Variants in DPP8 observed in about 807,000 individuals in gnomAD.
The protein encoded by DPP8 is DPP VIII.
A neutral mutation model predicts 107.5 loss-of-function variants in DPP8; 31 were observed. The ratio of observed to expected loss-of-function variants is 0.29; its 90% CI spans 0.22 to 0.39. The LOEUF is 0.39. DPP8 is among the 10% of genes least tolerant of loss of function. The probability of loss-of-function intolerance (pLI) is 1.00; values close to 1 mark genes in which losing one functional copy is unlikely to be tolerated. For synonymous variants in DPP8, 381 were observed against 356.6 expected, an observed-to-expected ratio of 1.07 and a Z score of -0.77; for missense variants, 842 against 1,076.1, an observed-to-expected ratio of 0.78 and a Z score of 3.04.
Position 65,456,214 on chromosome 15 carries a change from T to G in DPP8, c.2118+11A>C. 1.2e-6 allele frequency: 2 copies of G among 1,601,122 alleles called. No individual in the cohort carries two copies. The highest frequency in any genetic ancestry group is 2.2e-5 in the East Asian group (1 of 44,830). ...ATGTCTGTAAAAGAAAAGTGTTTTA[T>G]GCTCACACACCATTTTATATTTAAA... On this transcript the variant is annotated intron_variant, in intron 16 of 19. Transcript: ENST00000300141.
chr15:65,488,259 A>G (rs1221977898), intron 6 of DPP8, among the ~76,000 whole-genome samples: 2 of 152,154 alleles, frequency 1.3e-5, no homozygotes, highest in Non-Finnish European at 2.9e-5. Flanking sequence ...CACATCTTAA[A>G]ATAAAATGTC....
chr15:65,509,335 C>A (rs1487131267), intron 2 of DPP8, among the ~76,000 whole-genome samples: 2 of 150,898 alleles, frequency 1.3e-5, no homozygotes, highest in Non-Finnish European at 2.9e-5. Flanking sequence ...TCCTCAGTAA[C>A]AGCCATTCCC....
intron 6 of DPP8, among the ~76,000 whole-genome samples, chr15:65,489,239 G>A (rs756857419): frequency 3.3e-5 from 5 of 151,896 alleles, no homozygotes; most frequent in Middle Eastern, 3.2e-3. Flanking sequence ...GATTACATGC[G>A]TGAGTCACTG....
At position 65,499,103 on chromosome 15, in the gene DPP8, G is replaced by GTT. The variant is rs200765429; in HGVS notation, c.547-1072_547-1071insAA. 7.5e-4 allele frequency among the ~76,000 whole-genome samples: 97 copies of GTT among 130,060 alleles called. 1 individual carries two copies. Among genetic ancestry groups the GTT allele is most frequent in the Middle Eastern group, 3.6e-3 (1 of 276 alleles). 85.3% of individuals were successfully genotyped at this position (130,060 alleles called of 152,430 possible). A position where few individuals can be genotyped will look rare whatever the true frequency, so the allele number is the denominator to read the frequency against. On this transcript the variant is annotated intron_variant, in intron 4 of 19. Transcript: ENST00000300141. ...TGTGTGTGTGTGTGTGTGTGTGTGT[G>GTT]TGTATATATAAATTTATTAAGATGA...
At chr15:65,500,943 T>C (rs2069165737) in intron 3 of DPP8, among the ~76,000 whole-genome samples, 164 bp from the exon 4 acceptor site, 1 of 148,320 alleles carries the variant, frequency 6.7e-6, no homozygotes, top group Admixed American at 6.9e-5. Context: ...AGTGGAGCGA[T>C]CTTGGCTCAC....
chr15:65,475,064 A>T (rs1002237388), intron 11 of DPP8, among the ~76,000 whole-genome samples: 2 of 152,102 alleles, frequency 1.3e-5, no homozygotes, highest in African/African-American at 2.4e-5. Context: ...CTTTTTGTAA[A>T]ACTTTCCCAA....
Position 65,489,771 on chromosome 15 carries a change from G to T in DPP8, c.826+418C>A, listed in dbSNP as rs143469011. Among the ~76,000 whole-genome samples the T allele has an allele frequency of 3.2e-3, 482 of 152,032 alleles. 2 individuals carry two copies. The highest frequency in any genetic ancestry group is 0.015 in the South Asian group (70 of 4,810). On this transcript the variant is annotated intron_variant, in intron 6 of 19. Transcript: ENST00000300141. ...TTGCTCTCATTGCCCAAGCTGGAGT[G>T]CAATAGTGTGATCTTGGCTCACTGT...
At chr15:65,454,831 GT>G (rs143327271) in intron 16 of DPP8, among the ~76,000 whole-genome samples, 1 of 151,928 alleles carries the variant, frequency 6.6e-6, no homozygotes, top group African/African-American at 2.4e-5. Context: ...GGCCCCGTAG[GT>G]TTTTTTAGAT....
rs1282266711 is a variant in DPP8 at position 65,451,068 on chromosome 15, A to G, written c.2457T>C (p.Asn819=). 5 of 1,613,236 alleles carry G rather than the reference A, an allele frequency of 3.1e-6. No homozygotes were observed. In the Admixed American group the frequency reaches 6.7e-5, roughly 22 times the overall value. The stretch of plus-strand genomic sequence containing the variant: ...ATATACTGGTATGTGCAAAATGGAC[A>G]TTCTCATCCAGGAAACCATGTAAGA... ...LLLLHGFLDE[N]VHFAHTSILL... The change falls in exon 19 of 20, where the codon AAT becomes AAC. Residue 819 remains asparagine, a synonymous_variant. Coordinates refer to ENST00000300141, the MANE Select transcript of DPP8 (RefSeq NM_130434.5).
intron 11 of DPP8, among the ~76,000 whole-genome samples, chr15:65,477,350 G>C (rs1484963445): frequency 6.6e-6 from 1 of 151,858 alleles, no homozygotes; most frequent in Non-Finnish European, 1.5e-5. Context: ...AGCCGAGATA[G>C]CACCACTGCA....
At chr15:65,460,213 G>A (rs1239086050) in intron 15 of DPP8, among the ~76,000 whole-genome samples, 5 of 151,882 alleles carry the variant, frequency 3.3e-5, no homozygotes, top group Non-Finnish European at 5.9e-5. Context: ...AGGCTGACGC[G>A]GGTGGATCAT....
At chr15:65,477,631 G>A (rs1286295118) in intron 11 of DPP8, among the ~76,000 whole-genome samples, 2 of 149,170 alleles carry the variant, frequency 1.3e-5, no homozygotes, top group Admixed American at 6.7e-5. Context: ...CCGGGTTCAC[G>A]CCACTCTCCT....
intron 11 of DPP8, among the ~76,000 whole-genome samples, chr15:65,477,806 A>T (rs1050748216): frequency 6.6e-6 from 1 of 152,154 alleles, no homozygotes; most frequent in Admixed American, 6.6e-5. Flanking sequence ...TGCTGGGATT[A>T]CAGGCGTGAG....
At position 65,463,859 on chromosome 15, in the gene DPP8, T is replaced by C; in HGVS notation, c.1873A>G (p.Thr625Ala). The stretch of plus-strand genomic sequence containing the variant: ...ATCCCATACAATGTAAATCCAGTAG[T>C]ACTTTCAAAAGAGAAAATTTCTGGA... ...TPPEIFSFES[T>A]TGFTLYGMLY... Residue 625 changes from threonine (T) to alanine (A), a missense_variant, in exon 15 of 20, where the codon ACT (threonine) becomes GCT (alanine). By Grantham distance (58) the Thr-to-Ala change is moderately conservative. This residue lies in a region of DPP8 where 663 missense variants were observed against 758.0 expected (regional missense o/e 0.87). Coordinates refer to ENST00000300141, the MANE Select transcript of DPP8 (RefSeq NM_130434.5). The C allele has an allele frequency of 6.3e-7, 1 of 1,598,112 alleles. No homozygotes were observed. The highest frequency in any genetic ancestry group is 8.5e-7 in the Non-Finnish European group (1 of 1,174,612).
intron 2 of DPP8, 133 bp downstream of exon 2, chr15:65,512,162 A>T: frequency 1.1e-6 from 1 of 893,230 alleles, no homozygotes; most frequent in Non-Finnish European, 1.8e-6. Context: ...TCTTCAAATT[A>T]TAGGCTTTTC....
rs770084040 is a variant in DPP8 at position 65,515,571 on chromosome 15, T to C, written c.-12+1915A>G. The C allele has an allele frequency of 3.0e-5, 35 of 1,171,902 alleles. No homozygotes were observed. In the South Asian group the frequency reaches 3.2e-4, roughly 11 times the overall value. 72.6% of individuals were successfully genotyped at this position (1,171,902 alleles called of 1,614,324 possible). A position where few individuals can be genotyped will look rare whatever the true frequency, so the allele number is the denominator to read the frequency against. ...TTTTCTAATGTCAAAAATAGGAAAA[T>C]AGGGTCAGTGTACCTTCTCAGCACA... On this transcript the variant is annotated intron_variant, in intron 1 of 19. Coordinates refer to ENST00000300141, the MANE Select transcript of DPP8 (RefSeq NM_130434.5).
At chr15:65,466,354 T>C (rs1220206508) in intron 14 of DPP8, among the ~76,000 whole-genome samples, 1 of 152,138 alleles carries the variant, frequency 6.6e-6, no homozygotes, top group Non-Finnish European at 1.5e-5. Flanking sequence ...GCCAGGCTGG[T>C]CCCGAACTCC....
intron 8 of DPP8, among the ~76,000 whole-genome samples, chr15:65,484,581 C>T (rs886242662): frequency 6.0e-5 from 9 of 150,608 alleles, no homozygotes; most frequent in Non-Finnish European, 1.0e-4. Flanking sequence ...GACTCGGGAG[C>T]CTCTCTCTCT....
At chr15:65,467,284 C>T (rs2065445103) in intron 12 of DPP8, 61 bp from the exon 13 acceptor site, 1 of 1,549,852 alleles carries the variant, frequency 6.5e-7, no homozygotes, top group Non-Finnish European at 8.9e-7. Context: ...AGCTAACCCC[C>T]AATTTTATTT....
Sources: allele counts gnomAD v4.1 joint callset (sites outside exome capture counted in the v4.1 genomes callset), GRCh38; gene constraint gnomAD v4.1.1; regional missense constraint gnomAD v4.1.1; transcripts MANE v1.5; gene names NCBI Gene and HGNC (gene_info 2026-07-23, HGNC 2026-07-21).